Variants in MRPS15 observed in about 807,000 individuals in gnomAD.
MRPS15 encodes the protein small ribosomal subunit protein uS15m.
MRPS15 carries 25 observed loss-of-function variants against 30.7 expected under a neutral mutation model. The observed-to-expected ratio is 0.81, with a 90% CI of 0.59 to 1.14. The LOEUF is 1.14. Among genes scored for constraint, MRPS15 ranks in the 50% most tolerant of loss-of-function variants. The pLI, the probability that MRPS15 is intolerant of heterozygous loss-of-function variation, is 0.00. For missense variants in MRPS15, 313 were observed against 321.7 expected, an observed-to-expected ratio of 0.97 and a Z score of 0.21; for synonymous variants, 124 against 120.1, an observed-to-expected ratio of 1.03 and a Z score of -0.21.
At chr1:36,461,900 G>C (rs950762959) in intron 3 of MRPS15, among the ~76,000 whole-genome samples, 188 bp downstream of exon 3, 9 of 152,000 alleles carry the variant, frequency 5.9e-5, no homozygotes, top group Non-Finnish European at 2.9e-5. Flanking sequence ...CCAAGTAGCC[G>C]AGCTCCATGA....
At chr1:36,460,153 G>A (rs1292518087) in intron 5 of MRPS15, among the ~76,000 whole-genome samples, 6 of 152,188 alleles carry the variant, frequency 3.9e-5, no homozygotes, top group Non-Finnish European at 5.9e-5. Flanking sequence ...GACTACAGGC[G>A]CCCGCCACCA....
At chr1:36,462,959 A>G (rs1046819364) in intron 2 of MRPS15, among the ~76,000 whole-genome samples, 2 of 151,554 alleles carry the variant, frequency 1.3e-5, no homozygotes, top group Non-Finnish European at 2.9e-5. Context: ...TCCAGCCAAT[A>G]ATTTCTTTCT....
At chr1:36,457,893 G>C (rs12023818) in intron 6 of MRPS15, 30 bp downstream of exon 6, 503,258 of 1,609,420 alleles carry the variant, frequency 0.31, 82,192 homozygotes, top group South Asian at 0.4. Flanking sequence ...GGCTGCTGCT[G>C]TTTAACTGTG....
rs1375249857 is a variant in MRPS15, at chr1:36,464,300, C to T, written c.-25G>A. On this transcript the variant is annotated 5_prime_UTR_variant, in exon 1 of 8. Coordinates refer to ENST00000373116, the MANE Select transcript of MRPS15 (RefSeq NM_031280.4). ...TGGTGACCTCTAACCCCCGCGGGGCCCGCGCCGCGGCCGCCGTTCGCTTTG... is the reference window on the plus strand; with the variant it reads ...TGGTGACCTCTAACCCCCGCGGGGCTCGCGCCGCGGCCGCCGTTCGCTTTG... The T allele has an allele frequency of 3.1e-6, 5 of 1,594,026 alleles. No homozygotes were observed. The highest frequency in any genetic ancestry group is 4.3e-6 in the Non-Finnish European group (5 of 1,170,568).
Position 36,461,300 on chromosome 1 carries a change from G to A in MRPS15, c.264C>T (p.Val88=), listed in dbSNP as rs751634586. 1.3e-5 allele frequency: 21 copies of A among 1,614,032 alleles called. No homozygotes were observed. The highest frequency in any genetic ancestry group is 8.0e-5 in the African/African-American group (6 of 74,926). Residue 88 remains valine, a synonymous_variant, in exon 4 of 8, where the codon GTC becomes GTT. Transcript: ENST00000373116. ...TTTCCAAAGACAAGAGTCTTTTCAC[G>A]ACATCATCAACCCTGTGGATAAACC... ...NVPGIEKVDD[V]VKRLLSLEMA...
intron 1 of MRPS15, 70 bp from the exon 2 acceptor site, chr1:36,463,920 C>G: frequency 1.9e-6 from 3 of 1,554,656 alleles, no homozygotes; most frequent in Non-Finnish European, 2.6e-6. Context: ...TTCTGTGCCC[C>G]TCGCATTGCC....
chr1:36,461,343 A>G (rs1650095034), intron 3 of MRPS15, 31 bp from the exon 4 acceptor site: 1 of 1,602,882 alleles, frequency 6.2e-7, no homozygotes, highest in Non-Finnish European at 8.5e-7. Context: ...TGAGACAGAC[A>G]TTGGGGGAGA....
intron 2 of MRPS15, among the ~76,000 whole-genome samples, chr1:36,462,689 C>A (rs1650121266): frequency 6.6e-6 from 1 of 152,156 alleles, no homozygotes; most frequent in African/African-American, 2.4e-5. Flanking sequence ...GAGGAAGAGG[C>A]ATAGAGTAGA....
intron 3 of MRPS15, 74 bp downstream of exon 3, chr1:36,462,014 C>A (rs1650108796): frequency 1.5e-6 from 2 of 1,309,004 alleles, no homozygotes; most frequent in African/African-American, 1.5e-5. Flanking sequence ...AGTCTCAAAG[C>A]CACTGTCTTT....
At position 36,464,086 on chromosome 1, in the gene MRPS15, T is replaced by C. The variant is rs199928879; in HGVS notation, c.130+60A>G. On this transcript the variant is annotated intron_variant, in intron 1 of 7. Transcript: ENST00000373116. ...CTCCCCTACTCCTGTGCTTCCTTAT[T>C]CCCTATCTTCGCCGAACCCTGTTTC... is the stretch of plus-strand genomic sequence containing the variant. The C allele has an allele frequency of 9.6e-6, 13 of 1,359,856 alleles. No homozygotes were observed. The Admixed American group carries it at 1.0e-4, about 11-fold the overall frequency. 84.2% of individuals were successfully genotyped at this position (1,359,856 alleles called of 1,614,324 possible).
Position 36,455,863 on chromosome 1 carries a change from GGCT to G in MRPS15, c.696_698del (p.Ala233del), listed in dbSNP as rs750095902. On this transcript the variant is annotated inframe_deletion, in exon 8 of 8. Transcript: ENST00000373116. The stretch of plus-strand genomic sequence containing the variant: ...GGTTCCTCCGCTTTGCTTGTTTTTG[GGCT>G]GCTGCTGCAGCCTTTAAGGCTCTTC... 4 of 1,613,920 alleles carry G rather than the reference GGCT, an allele frequency of 2.5e-6. No homozygotes were observed. The highest frequency in any genetic ancestry group is 1.3e-5 in the African/African-American group (1 of 74,872).
chr1:36,463,890 T>C lies in MRPS15; in HGVS notation c.131-40A>G, dbSNP rs766074909. On this transcript the variant is annotated intron_variant, in intron 1 of 7. Coordinates refer to ENST00000373116, the MANE Select transcript of MRPS15 (RefSeq NM_031280.4). Reference sequence around the variant, plus strand: ...GAGGGCTGAGGACCATCTCCTTAAATAGCCCACCCCTCAGTTCCTTTCTGT... The same window carrying C: ...GAGGGCTGAGGACCATCTCCTTAAACAGCCCACCCCTCAGTTCCTTTCTGT... 6 of 1,597,204 alleles carry C rather than the reference T, an allele frequency of 3.8e-6. No individual in the cohort carries two copies. In the South Asian group the frequency reaches 4.5e-5, roughly 12 times the overall value.
At position 36,460,703 on chromosome 1, in the gene MRPS15, AG is replaced by A; in HGVS notation, c.373del (p.Leu125TrpfsTer33). On this transcript the variant is annotated frameshift_variant, in exon 5 of 8. Coordinates refer to ENST00000373116, the MANE Select transcript of MRPS15 (RefSeq NM_031280.4). LOFTEE classifies it high-confidence loss of function. ...IVANPEDTRS[L>X]EARIIALSVK... is the part of the protein sequence containing the mutation. ...GGTCCCCGACCAACTTCGAGCCTCCAGGGATCTGGTGTCCTCTGGGTTTGCA... is the reference window on the plus strand; with the variant it reads ...GGTCCCCGACCAACTTCGAGCCTCCAGGATCTGGTGTCCTCTGGGTTTGCA... 1 of 1,613,958 alleles carries A rather than the reference AG, an allele frequency of 6.2e-7. No homozygotes were observed. The highest frequency in any genetic ancestry group is 1.1e-5 in the South Asian group (1 of 91,080).
chr1:36,464,372 G>A lies in MRPS15; in HGVS notation c.-97C>T. Reference sequence around the variant, plus strand: ...GGCGCCGCCATGCTGGCCCAGGATCGACCAATCGAGGCAGTTGCAATACCG... The same window carrying A: ...GGCGCCGCCATGCTGGCCCAGGATCAACCAATCGAGGCAGTTGCAATACCG... On this transcript the variant is annotated 5_prime_UTR_variant, in exon 1 of 8. Coordinates refer to ENST00000373116, the MANE Select transcript of MRPS15 (RefSeq NM_031280.4). 6.8e-7 allele frequency: 1 copy of A among 1,480,502 alleles called. No individual in the cohort carries two copies. The highest frequency in any genetic ancestry group is 9.0e-7 in the Non-Finnish European group (1 of 1,107,174). The allele number at this position is 1,480,502 out of a possible 1,614,324, so 91.7% of individuals were successfully genotyped here.
chr1:36,457,883 G>T lies in MRPS15; in HGVS notation c.444+40C>A, dbSNP rs777679295. 4 of 1,601,336 alleles carry T rather than the reference G, an allele frequency of 2.5e-6. No homozygotes were observed. In the South Asian group the frequency reaches 4.4e-5, roughly 18 times the overall value. On this transcript the variant is annotated intron_variant, in intron 6 of 7. Coordinates refer to ENST00000373116, the MANE Select transcript of MRPS15 (RefSeq NM_031280.4). ...TTCCCCTCCGGACCCCTTTCCCCCA[G>T]GCTGCTGCTGTTTAACTGTGAATGA...
chr1:36,459,843 G>A (rs1020766578), intron 5 of MRPS15: 4 of 152,276 alleles, frequency 2.6e-5, no homozygotes, highest in Non-Finnish European at 5.9e-5. Context: ...CTTGCTCTCA[G>A]TGGGCAATGA....
chr1:36,463,902 C>T, intron 1 of MRPS15, 52 bp from the exon 2 acceptor site: 1 of 1,577,728 alleles, frequency 6.3e-7, no homozygotes, highest in Non-Finnish European at 8.6e-7. Flanking sequence ...GCCCACCCCT[C>T]AGTTCCTTTC....
intron 2 of MRPS15, 138 bp downstream of exon 2, chr1:36,463,668 G>T: frequency 1.0e-6 from 1 of 965,096 alleles, no homozygotes; most frequent in Non-Finnish European, 1.5e-6. Flanking sequence ...TTTGTGTAAG[G>T]TGGACGTGGG....
At position 36,464,052 on chromosome 1, in the gene MRPS15, G is replaced by A. The variant is rs532007172; in HGVS notation, c.130+94C>T. The A allele has an allele frequency of 2.2e-4, 283 of 1,286,718 alleles. 6 individuals are homozygous for A. In the South Asian group the frequency reaches 3.7e-3, roughly 17 times the overall value. The allele number at this position is 1,286,718 out of a possible 1,614,324, so 79.7% of individuals were successfully genotyped here. Reference sequence around the variant, plus strand: ...CCGCCCTTTCCCCCTTATCCTGACCGCTGTATATCTCCCCTACTCCTGTGC... The same window carrying A: ...CCGCCCTTTCCCCCTTATCCTGACCACTGTATATCTCCCCTACTCCTGTGC... On this transcript the variant is annotated intron_variant, in intron 1 of 7. Coordinates refer to ENST00000373116, the MANE Select transcript of MRPS15 (RefSeq NM_031280.4).
Sources: allele counts gnomAD v4.1 joint callset (sites outside exome capture counted in the v4.1 genomes callset), GRCh38; gene constraint gnomAD v4.1.1; transcripts MANE v1.5; gene names NCBI Gene and HGNC (gene_info 2026-07-23, HGNC 2026-07-21).